NAT10: variants seen among roughly 807,000 people sequenced by gnomAD.
The protein encoded by NAT10 is N-acetyltransferase 10.
NAT10 carries 109 observed loss-of-function variants against 132.2 expected under a neutral mutation model. That is an observed-to-expected ratio of 0.82 (90% CI 0.71 to 0.97). The LOEUF (loss-of-function observed/expected upper bound fraction) is 0.97, where lower values mean the gene tolerates loss of function less well. NAT10 is among the 50% of genes least tolerant of loss of function. The pLI is 0.00. For synonymous variants in NAT10, 479 were observed against 478.0 expected, an observed-to-expected ratio of 1.00 and a Z score of -0.03; for missense variants, 1,184 against 1,263.4, an observed-to-expected ratio of 0.94 and a Z score of 0.95.
At chr11:34,108,175 A>C in intron 1 of NAT10, 36 bp from the exon 2 acceptor site, 42 of 1,334,288 alleles carry the variant, frequency 3.1e-5, no homozygotes, top group Non-Finnish European at 4.2e-5. Flanking sequence ...TAGACAATCT[A>C]GTGCGCATGG....
intron 21 of NAT10, chr11:34,138,900 G>A (rs916669610): frequency 1.6e-5 from 6 of 367,294 alleles, no homozygotes; most frequent in East Asian, 5.2e-5. Context: ...CCTCCCGCAC[G>A]TCCCGAGCAA....
intron 18 of NAT10, 62 bp downstream of exon 18, chr11:34,134,648 T>C: frequency 6.5e-7 from 1 of 1,539,032 alleles, no homozygotes; most frequent in Non-Finnish European, 9.0e-7. Flanking sequence ...GTGGGGGTAC[T>C]TGGTGGCTGG....
chr11:34,128,103 C>T (rs2132958986), intron 12 of NAT10, among the ~76,000 whole-genome samples: 1 of 151,966 alleles, frequency 6.6e-6, no homozygotes, highest in Non-Finnish European at 1.5e-5. Context: ...CACCTGTAAT[C>T]CCAGCACATT....
At chr11:34,119,131 G>A (rs1251282639) in intron 8 of NAT10, among the ~76,000 whole-genome samples, 1 of 152,234 alleles carries the variant, frequency 6.6e-6, no homozygotes, top group Non-Finnish European at 1.5e-5. Flanking sequence ...GTCTTTGAGT[G>A]CAAATAGCAG....
Position 34,135,299 on chromosome 11 carries a change from T to A in NAT10, c.2028+8T>A, listed in dbSNP as rs1167691542. On this transcript the variant is annotated splice_region_variant and intron_variant, in intron 19 of 28. Coordinates refer to ENST00000257829, the MANE Select transcript of NAT10 (RefSeq NM_024662.3). ...CACACCGTAAGCAGCGAGGTAAGCA[T>A]CTTTCGACAGACCTCCTGTGTCCTG... The A allele has an allele frequency of 6.2e-7, 1 of 1,610,316 alleles. No homozygotes were observed. The highest frequency in any genetic ancestry group is 1.7e-5 in the Admixed American group (1 of 60,016).
At chr11:34,111,571 C>T (rs118158512) in intron 3 of NAT10, among the ~76,000 whole-genome samples, 1 of 152,182 alleles carries the variant, frequency 6.6e-6, no homozygotes, top group East Asian at 1.9e-4. Context: ...TTATGTAAGA[C>T]CTGCCCTTGA....
chr11:34,122,065 A>G (rs1167873691), intron 8 of NAT10, among the ~76,000 whole-genome samples: 1 of 151,690 alleles, frequency 6.6e-6, no homozygotes, highest in Non-Finnish European at 1.5e-5. Flanking sequence ...AATCTCAGTT[A>G]CTCAGGAGGC....
chr11:34,120,640 C>G (rs920224518), intron 8 of NAT10, among the ~76,000 whole-genome samples: 1 of 152,222 alleles, frequency 6.6e-6, no homozygotes, highest in Admixed American at 6.5e-5. Flanking sequence ...CTAGGCGCTC[C>G]TGTAGGCACT....
chr11:34,124,053 C>T (rs1851942469), intron 10 of NAT10, among the ~76,000 whole-genome samples, 198 bp downstream of exon 10: 1 of 152,138 alleles, frequency 6.6e-6, no homozygotes, highest in Admixed American at 6.6e-5. Flanking sequence ...CCTGTAATCC[C>T]AGCTACTTGG....
rs1852440687 is a variant in NAT10 at position 34,146,292 on chromosome 11, A to G, written c.*100A>G. On this transcript the variant is annotated 3_prime_UTR_variant, in exon 29 of 29. Coordinates refer to ENST00000257829, the MANE Select transcript of NAT10 (RefSeq NM_024662.3). Reference sequence around the variant, plus strand: ...GTTAAAAGCAACGAGAGGCCCCGGCACACCTGGAAGCTGGCCGCGAATTCG... The same window carrying G: ...GTTAAAAGCAACGAGAGGCCCCGGCGCACCTGGAAGCTGGCCGCGAATTCG... The G allele has an allele frequency of 1.1e-6, 1 of 877,978 alleles. No homozygotes were observed. 54.4% of individuals were successfully genotyped at this position (877,978 alleles called of 1,614,324 possible).
At chr11:34,121,214 G>C (rs191837743) in intron 8 of NAT10, among the ~76,000 whole-genome samples, 3 of 152,304 alleles carry the variant, frequency 2.0e-5, no homozygotes, top group East Asian at 3.9e-4. Context: ...TCGTCTGGCT[G>C]CTGTGTTGAA....
chr11:34,144,748 G>A (rs1852406361), intron 28 of NAT10, among the ~76,000 whole-genome samples: 1 of 152,196 alleles, frequency 6.6e-6, no homozygotes. Flanking sequence ...GGAGTACAAT[G>A]AGGCCTCCCC....
At chr11:34,129,001 A>AT (rs1852051368) in intron 12 of NAT10, among the ~76,000 whole-genome samples, 1 of 152,218 alleles carries the variant, frequency 6.6e-6, no homozygotes, top group South Asian at 2.1e-4. Flanking sequence ...GTTGAATAGT[A>AT]TTCTATTGTA....
rs1297619544 is a variant in NAT10 at position 34,114,872 on chromosome 11, GC to G, written c.496-949del. Among the ~76,000 whole-genome samples, 4 of 152,178 alleles carry G rather than the reference GC, an allele frequency of 2.6e-5. No individual in the cohort carries two copies. In the East Asian group the frequency reaches 7.7e-4, roughly 29 times the overall value. On this transcript the variant is annotated intron_variant, in intron 5 of 28. Transcript: ENST00000257829. ...ACTAGTCTCTAAATTTCACTGGAGG[GC>G]CGATCACAGTGGCTCACGCCTGTAA...
At chr11:34,129,997 A>C (rs1261012679) in intron 12 of NAT10, among the ~76,000 whole-genome samples, 1 of 152,126 alleles carries the variant, frequency 6.6e-6, no homozygotes, top group Admixed American at 6.5e-5. Context: ...AATAAATAGG[A>C]TACTTTTGGG....
At chr11:34,109,457 C>G (rs1851655735) in intron 3 of NAT10, among the ~76,000 whole-genome samples, 1 of 152,168 alleles carries the variant, frequency 6.6e-6, no homozygotes, top group Non-Finnish European at 1.5e-5. Flanking sequence ...CTTTTGCAGT[C>G]TGGTTTCTGC....
chr11:34,134,402 A>G lies in NAT10; in HGVS notation c.1818A>G (p.Pro606=), dbSNP rs1852169230. 2 of 1,614,168 alleles carry G rather than the reference A, an allele frequency of 1.2e-6. No homozygotes were observed. Among genetic ancestry groups the G allele is most frequent in the East Asian group, 4.5e-5 (2 of 44,876 alleles). The change falls in exon 17 of 29, where the codon CCA becomes CCG. Residue 606 remains proline, a synonymous_variant. Transcript: ENST00000257829. ...AGAAGGCTTCAGGGGACCTGATTCC[A>G]TGGACAGTGTCAGAACAGGTGACGG... ...RGKKASGDLI[P]WTVSEQFQDP...
intron 19 of NAT10, 120 bp downstream of exon 19, chr11:34,135,411 C>T (rs909867399): frequency 8.1e-6 from 6 of 738,038 alleles, no homozygotes; most frequent in East Asian, 2.5e-5. Flanking sequence ...TTTTCTTCTG[C>T]TGCTTTCTCC....
intron 11 of NAT10, among the ~76,000 whole-genome samples, chr11:34,125,737 C>T (rs532268237): frequency 1.2e-4 from 18 of 152,098 alleles, no homozygotes; most frequent in African/African-American, 4.1e-4. Context: ...CTGAGGTGGG[C>T]GAATCACTTG....
Sources: allele counts gnomAD v4.1 joint callset (sites outside exome capture counted in the v4.1 genomes callset), GRCh38; gene constraint gnomAD v4.1.1; transcripts MANE v1.5; gene names NCBI Gene and HGNC (gene_info 2026-07-23, HGNC 2026-07-21).